Variants in TCF7L2 observed in about 807,000 individuals in gnomAD.
The protein encoded by TCF7L2 is transcription factor 7 like 2, also known as transcription factor 7-like 2.
TCF7L2 carries 23 observed loss-of-function variants against 77.9 expected under a neutral mutation model. The ratio of observed to expected loss-of-function variants is 0.30; its 90% CI spans 0.21 to 0.42. The LOEUF is 0.42. Ranked by LOEUF, TCF7L2 falls within the 10% of genes least tolerant of loss-of-function variation. TCF7L2 has a pLI of 1.00. For missense variants in TCF7L2, 654 were observed against 793.1 expected (o/e 0.82, Z 2.11); for synonymous variants, 413 against 340.2 (o/e 1.21, Z -2.36).
intron 4 of TCF7L2, among the ~76,000 whole-genome samples, chr10:113,030,313 C>G (rs575957421): frequency 6.6e-6 from 1 of 152,180 alleles, no homozygotes; most frequent in African/African-American, 2.4e-5. Context: ...ATCCAGCTAT[C>G]GGTTGAGACT....
chr10:113,084,620 G>A (rs934250411), intron 5 of TCF7L2, among the ~76,000 whole-genome samples: 1 of 152,120 alleles, frequency 6.6e-6, no homozygotes, highest in Non-Finnish European at 1.5e-5. Context: ...GGCCAGGCAT[G>A]GTGGCTCACA....
intron 11 of TCF7L2, among the ~76,000 whole-genome samples, chr10:113,154,752 A>ATAAGG: frequency 6.6e-6 from 1 of 152,294 alleles, no homozygotes. Flanking sequence ...GTTTGGTATA[A>ATAAGG]TAAGGGAACT....
intron 5 of TCF7L2, among the ~76,000 whole-genome samples, chr10:113,102,592 T>C (rs2061793888): frequency 6.6e-6 from 1 of 151,878 alleles, no homozygotes; most frequent in Non-Finnish European, 1.5e-5. Flanking sequence ...GCCCAGCTAA[T>C]TTTTTGTATT....
intron 5 of TCF7L2, among the ~76,000 whole-genome samples, chr10:113,097,827 G>A (rs2061206547): frequency 1.3e-5 from 2 of 151,324 alleles, no homozygotes; most frequent in South Asian, 2.1e-4. Flanking sequence ...TGAGGCAGGC[G>A]GATCGCCTGA....
chr10:113,146,025 T>C lies in TCF7L2; in HGVS notation c.803T>C (p.Val268Ala). ...CTTCTTTGTAGGCAAGGTCAACCAG[T>C]GTACCCAATCACGACAGGAGGATTC... The change falls in exon 8 of 14, where the codon GTG (valine) becomes GCG (alanine). Residue 268 changes from valine to alanine, a missense_variant. Val to Ala is a moderately conservative substitution (Grantham distance 64). This residue lies in a region of TCF7L2 where 179 missense variants were observed against 270.6 expected (regional missense o/e 0.66). Transcript: ENST00000627217. 6.6e-7 allele frequency: 1 copy of C among 1,506,064 alleles called. No homozygotes were observed. The highest frequency in any genetic ancestry group is 9.0e-7 in the Non-Finnish European group (1 of 1,115,370). The allele number at this position is 1,506,064 out of a possible 1,614,324, so 93.3% of individuals were successfully genotyped here.
At chr10:113,092,858 C>T (rs944728708) in intron 5 of TCF7L2, among the ~76,000 whole-genome samples, 3 of 152,058 alleles carry the variant, frequency 2.0e-5, no homozygotes, top group African/African-American at 4.8e-5. Context: ...AGCCAAGACT[C>T]CCTCGGCTGG....
intron 4 of TCF7L2, among the ~76,000 whole-genome samples, chr10:113,010,950 G>A (rs2046356505): frequency 6.6e-6 from 1 of 152,118 alleles, no homozygotes; most frequent in Admixed American, 6.5e-5. Context: ...CGGCTGCAGT[G>A]AGCTGGCATT....
intron 5 of TCF7L2, among the ~76,000 whole-genome samples, chr10:113,139,175 T>C (rs139128577): frequency 1.3e-5 from 2 of 152,322 alleles, no homozygotes; most frequent in East Asian, 3.9e-4. Flanking sequence ...GTATGTATCT[T>C]TCCAACCAAA....
At chr10:113,069,009 A>G (rs548910468) in intron 5 of TCF7L2, among the ~76,000 whole-genome samples, 123 of 150,764 alleles carry the variant, frequency 8.2e-4, no homozygotes, top group Non-Finnish European at 1.4e-3. Flanking sequence ...AGCATCACCA[A>G]CTGCTGTTCA....
chr10:113,141,039 G>C (rs960487291), intron 5 of TCF7L2, 145 bp from the exon 6 acceptor site: 2 of 912,072 alleles, frequency 2.2e-6, no homozygotes, highest in African/African-American at 3.3e-5. Flanking sequence ...TGGACTGGGG[G>C]GAGTATGGGA....
At chr10:113,106,768 C>T (rs2062379351) in intron 5 of TCF7L2, among the ~76,000 whole-genome samples, 1 of 152,224 alleles carries the variant, frequency 6.6e-6, no homozygotes. Context: ...GAATGAATAA[C>T]TAGTCTTTCC....
intron 5 of TCF7L2, among the ~76,000 whole-genome samples, chr10:113,080,800 A>G (rs971040805): frequency 6.6e-6 from 1 of 152,176 alleles, no homozygotes; most frequent in Non-Finnish European, 1.5e-5. Flanking sequence ...TTATTCAGTT[A>G]TTGCATCATG....
chr10:113,005,624 C>T (rs1019266003), intron 4 of TCF7L2, among the ~76,000 whole-genome samples: 7 of 152,128 alleles, frequency 4.6e-5, no homozygotes, highest in South Asian at 2.1e-4. Context: ...ACCCTGTTTG[C>T]GCAAGGGTTT....
chr10:113,052,750 C>T (rs1042018591), intron 5 of TCF7L2, among the ~76,000 whole-genome samples: 1 of 152,142 alleles, frequency 6.6e-6, no homozygotes, highest in East Asian at 1.9e-4. Context: ...ATGCATTCTA[C>T]CTGTGAATGA....
At chr10:112,979,554 C>T (rs1185835913) in intron 4 of TCF7L2, among the ~76,000 whole-genome samples, 1 of 151,952 alleles carries the variant, frequency 6.6e-6, no homozygotes, top group Non-Finnish European at 1.5e-5. Flanking sequence ...GTCAGGAGTT[C>T]GAGATCAGCC....
chr10:112,992,856 C>T (rs879348780), intron 4 of TCF7L2, among the ~76,000 whole-genome samples: 6 of 151,960 alleles, frequency 3.9e-5, no homozygotes, highest in African/African-American at 7.3e-5. Context: ...CTCCGCCCTC[C>T]GAGTTCAAGC....
chr10:113,060,891 A>T (rs1320077013), intron 5 of TCF7L2, among the ~76,000 whole-genome samples: 1 of 152,078 alleles, frequency 6.6e-6, no homozygotes, highest in Non-Finnish European at 1.5e-5. Context: ...ATGACCTAGT[A>T]GCCACCCATG....
chr10:113,094,190 T>C (rs1388386772), intron 5 of TCF7L2, among the ~76,000 whole-genome samples: 1 of 152,250 alleles, frequency 6.6e-6, no homozygotes, highest in East Asian at 1.9e-4. Flanking sequence ...AGACTTCCGC[T>C]AAATTTGCCA....
At chr10:113,055,548 T>C (rs1296941569) in intron 5 of TCF7L2, among the ~76,000 whole-genome samples, 3 of 152,238 alleles carry the variant, frequency 2.0e-5, no homozygotes, top group South Asian at 4.1e-4. Context: ...TTTTAAAATA[T>C]TGCTTTAGAT....
Sources: gnomAD v4.1 joint callset for allele counts (sites outside exome capture counted in the v4.1 genomes callset) on GRCh38, gnomAD v4.1.1 for gene constraint, gnomAD v4.1.1 regional missense constraint, MANE v1.5 for transcripts, NCBI Gene and HGNC (gene_info 2026-07-23, HGNC 2026-07-21) for gene names.